The following FOLH1 variants were observed in gnomAD, a reference collection of about 807,000 sequenced individuals.
The protein encoded by FOLH1 is glutamate carboxypeptidase 2.
Under a neutral mutation model 93.9 loss-of-function variants are expected in FOLH1, and 54 were observed. That is an observed-to-expected ratio of 0.57 (90% CI 0.46 to 0.72). The LOEUF (loss-of-function observed/expected upper bound fraction) is 0.72, where lower values mean the gene tolerates loss of function less well. FOLH1 is among the 30% of genes least tolerant of loss of function. The probability of loss-of-function intolerance (pLI) is 0.00; values close to 1 mark genes in which losing one functional copy is unlikely to be tolerated. For synonymous variants in FOLH1, 249 were observed against 303.6 expected, an observed-to-expected ratio of 0.82 and a Z score of 1.87; for missense variants, 571 against 892.5, an observed-to-expected ratio of 0.64 and a Z score of 4.59.
In FOLH1 at chr11:49,208,441, C is replaced by G. The variant is rs1158800718; in HGVS notation, c.-32G>C. 1 of 1,507,456 alleles carries G rather than the reference C, an allele frequency of 6.6e-7. No homozygotes were observed. Among genetic ancestry groups the G allele is most frequent in the Admixed American group, 1.8e-5 (1 of 54,152 alleles). 93.4% of individuals were successfully genotyped at this position (1,507,456 alleles called of 1,614,324 possible). A position where few individuals can be genotyped will look rare whatever the true frequency, so the allele number is the denominator to read the frequency against. On this transcript the variant is annotated 5_prime_UTR_variant, in exon 1 of 19. Coordinates refer to ENST00000256999, the MANE Select transcript of FOLH1 (RefSeq NM_004476.3). ...GCGAGCAGAGCCGGCCTCCCGGGAC[C>G]CGCGCCTGTGCTGCTGCTCTACTGC... is the stretch of plus-strand genomic sequence containing the variant.
rs192942084 is a variant in FOLH1 at position 49,206,018 on chromosome 11, T to C, written c.224+49A>G. ...AAAATATTGGACCAAAACAGAATGA[T>C]AAATTTTTCTAACAACTTGTCCATA... is the stretch of plus-strand genomic sequence containing the variant. On this transcript the variant is annotated intron_variant, in intron 2 of 18. Transcript: ENST00000256999. 1.3e-4 allele frequency: 200 copies of C among 1,560,434 alleles called. 3 individuals carry two copies. The highest frequency in any genetic ancestry group is 3.2e-4 in the South Asian group (27 of 83,622).
chr11:49,206,673 G>A, intron 1 of FOLH1: 1 of 973,616 alleles, frequency 1.0e-6, no homozygotes, highest in Non-Finnish European at 1.5e-6. Context: ...CTTCTAATTT[G>A]CTCTGATTCT....
chr11:49,160,653 A>G (rs1030409117), intron 13 of FOLH1, among the ~76,000 whole-genome samples: 4 of 152,098 alleles, frequency 2.6e-5, no homozygotes, highest in African/African-American at 9.7e-5. Context: ...TGTGTTTGCC[A>G]GGATGGTCTC....
intron 17 of FOLH1, among the ~76,000 whole-genome samples, chr11:49,149,523 G>A (rs1448860788): frequency 6.6e-6 from 1 of 152,060 alleles, no homozygotes; most frequent in Non-Finnish European, 1.5e-5. Context: ...AATAGAAAAT[G>A]TTTGTGGAAC....
chr11:49,147,485 GTTAGAATACTTA>G (rs1855903187), intron 18 of FOLH1, among the ~76,000 whole-genome samples: 1 of 151,806 alleles, frequency 6.6e-6, no homozygotes, highest in Admixed American at 6.6e-5. Flanking sequence ...ACACTACCAT[GTTAGAATACTTA>G]ATATAGAGTT....
At chr11:49,156,211 C>A (rs990241289) in intron 15 of FOLH1, among the ~76,000 whole-genome samples, 3 of 151,834 alleles carry the variant, frequency 2.0e-5, no homozygotes, top group Non-Finnish European at 4.4e-5. Flanking sequence ...GACCCAGTCT[C>A]GGGTATGTCT....
rs541749679 is a variant in FOLH1, at chr11:49,160,693, C to T, written c.1441-2650G>A. On this transcript the variant is annotated intron_variant, in intron 13 of 18. Coordinates refer to ENST00000256999, the MANE Select transcript of FOLH1 (RefSeq NM_004476.3). Reference sequence around the variant, plus strand: ...TCCTGACCTTGTGATCTGCCCTCCTCGGCCTCCCAAAGTGCTGGGATTACA... The same window carrying T: ...TCCTGACCTTGTGATCTGCCCTCCTTGGCCTCCCAAAGTGCTGGGATTACA... Among the ~76,000 whole-genome samples, 21 of 152,282 alleles carry T rather than the reference C, an allele frequency of 1.4e-4. No individual in the cohort carries two copies. In the South Asian group the frequency reaches 3.3e-3, roughly 24 times the overall value.
At chr11:49,169,970 G>A (rs1197314801) in intron 11 of FOLH1, among the ~76,000 whole-genome samples, 1 of 151,968 alleles carries the variant, frequency 6.6e-6, no homozygotes, top group Non-Finnish European at 1.5e-5. Flanking sequence ...CAAAATATTA[G>A]GTTCTTCCAG....
At chr11:49,198,612 TTTTA>T (rs1305054271) in intron 3 of FOLH1, among the ~76,000 whole-genome samples, 5 of 152,220 alleles carry the variant, frequency 3.3e-5, no homozygotes, top group Admixed American at 6.5e-5. Flanking sequence ...ATTGTCAATA[TTTTA>T]TTTCTTTAAA....
chr11:49,178,225 C>A (rs1411211288), intron 7 of FOLH1, among the ~76,000 whole-genome samples: 1 of 152,170 alleles, frequency 6.6e-6, no homozygotes, highest in East Asian at 1.9e-4. Context: ...TTCACCAGCT[C>A]ATCTATAAAA....
At chr11:49,169,747 T>C (rs545340867) in intron 11 of FOLH1, among the ~76,000 whole-genome samples, 12 of 152,316 alleles carry the variant, frequency 7.9e-5, no homozygotes, top group South Asian at 2.1e-4. Context: ...TGACCAGAAG[T>C]CAGGCTCTCC....
rs1325202701 is a variant in FOLH1, at chr11:49,146,166, T to C, written c.*590A>G. Among the ~76,000 whole-genome samples, 3 of 152,350 alleles carry C rather than the reference T, an allele frequency of 2.0e-5. No individual in the cohort carries two copies. The highest frequency in any genetic ancestry group is 2.1e-4 in the South Asian group (1 of 4,832). On this transcript the variant is annotated 3_prime_UTR_variant, in exon 19 of 19. Transcript: ENST00000256999. Reference sequence around the variant, plus strand: ...TATTAGAAATGTTATTTTCTTCATATGGCTATTAGGTTCACAAGTGTTCAT... The same window carrying C: ...TATTAGAAATGTTATTTTCTTCATACGGCTATTAGGTTCACAAGTGTTCAT...
Position 49,204,841 on chromosome 11 carries a change from A to T in FOLH1, c.224+1226T>A, listed in dbSNP as rs530570531. On this transcript the variant is annotated intron_variant, in intron 2 of 18. Coordinates refer to ENST00000256999, the MANE Select transcript of FOLH1 (RefSeq NM_004476.3). ...AGCGAATCCTGCAATCATTAGAGGGACTTCAAGTATTTTAGGACACATGAG... is the reference window on the plus strand; with the variant it reads ...AGCGAATCCTGCAATCATTAGAGGGTCTTCAAGTATTTTAGGACACATGAG... 9.2e-5 allele frequency among the ~76,000 whole-genome samples: 14 copies of T among 152,250 alleles called. No individual in the cohort carries two copies. The East Asian group carries it at 2.7e-3, about 29-fold the overall frequency.
chr11:49,149,937 T>C (rs1856297791), intron 17 of FOLH1, among the ~76,000 whole-genome samples: 1 of 152,174 alleles, frequency 6.6e-6, no homozygotes, highest in Non-Finnish European at 1.5e-5. Flanking sequence ...ATGTGGGTTT[T>C]AGTCCTTCAA....
chr11:49,152,217 T>G (rs1856576615), intron 17 of FOLH1, among the ~76,000 whole-genome samples: 1 of 152,146 alleles, frequency 6.6e-6, no homozygotes, highest in Admixed American at 6.6e-5. Context: ...TACTTGCTAT[T>G]ATAATTTTAT....
At chr11:49,200,707 G>C (rs754443068) in intron 2 of FOLH1, among the ~76,000 whole-genome samples, 19 of 152,116 alleles carry the variant, frequency 1.2e-4, no homozygotes, top group Non-Finnish European at 2.6e-4. Flanking sequence ...TCGTATGGTA[G>C]ATTATCATAT....
At chr11:49,193,473 G>A (rs981203356) in intron 3 of FOLH1, among the ~76,000 whole-genome samples, 3 of 151,958 alleles carry the variant, frequency 2.0e-5, no homozygotes, top group African/African-American at 7.2e-5. Context: ...CCTTTGTTTG[G>A]TAATCTCAAT....
At position 49,154,284 on chromosome 11, in the gene FOLH1, A is replaced by G; in HGVS notation, c.1832T>C (p.Ile611Thr). 6.2e-7 allele frequency: 1 copy of G among 1,613,486 alleles called. No homozygotes were observed. Among genetic ancestry groups the G allele is most frequent in the Non-Finnish European group, 8.5e-7 (1 of 1,179,608 alleles). Residue 611 changes from isoleucine to threonine, a missense_variant, in exon 16 of 19, where the codon ATC (isoleucine) becomes ACC (threonine). Ile to Thr is a moderately conservative substitution (Grantham distance 89). Transcript: ENST00000256999. ...TGGATGTTTCATAGAAATACTGTAGATTTTGTCAGCATACTTTCTTAAAAC... is the reference window on the plus strand; with the variant it reads ...TGGATGTTTCATAGAAATACTGTAGGTTTTGTCAGCATACTTTCTTAAAAC... ...AVVLRKYADK[I>T]YSISMKHPQE... is the part of the protein sequence containing the mutation.
chr11:49,186,854 A>G (rs1861443627), intron 4 of FOLH1, 85 bp from the exon 5 acceptor site: 2 of 1,445,276 alleles, frequency 1.4e-6, no homozygotes, highest in African/African-American at 1.4e-5. Context: ...CATTTTTGAA[A>G]GAGGGAAGAG....
Sources: gnomAD v4.1 joint callset for allele counts (sites outside exome capture counted in the v4.1 genomes callset) on GRCh38, gnomAD v4.1.1 for gene constraint, MANE v1.5 for transcripts, NCBI Gene and HGNC (gene_info 2026-07-23, HGNC 2026-07-21) for gene names.